Variants in PREP observed in about 807,000 individuals in gnomAD.
PREP encodes dJ355L5.1 (prolyl endopeptidase).
In PREP, 29 loss-of-function variants were observed where a neutral mutation model predicts 87.6. The observed-to-expected ratio is 0.33, with a 90% confidence interval of 0.25 to 0.45. The LOEUF is 0.45. Among genes scored for constraint, PREP ranks in the 20% least tolerant of loss-of-function variants. The pLI, the probability that PREP is intolerant of heterozygous loss-of-function variation, is 1.00. For synonymous variants in PREP, 337 were observed against 328.6 expected, an observed-to-expected ratio of 1.03 and a Z score of -0.28; for missense variants, 695 against 886.5, an observed-to-expected ratio of 0.78 and a Z score of 2.74.
At chr6:105,363,621 C>A (rs1772307973) in intron 6 of PREP, among the ~76,000 whole-genome samples, 1 of 152,146 alleles carries the variant, frequency 6.6e-6, no homozygotes, top group Admixed American at 6.5e-5. Flanking sequence ...TTCCCGAGGT[C>A]CCTGGCTGAA....
At chr6:105,307,670 T>G (rs1269810475) in intron 10 of PREP, among the ~76,000 whole-genome samples, 1 of 152,212 alleles carries the variant, frequency 6.6e-6, no homozygotes, top group African/African-American at 2.4e-5. Context: ...TGGGGTGCAG[T>G]GGTGAGAGCT....
At chr6:105,334,738 C>CAACAACAACAACAACAACAACAACA (rs752810216) in intron 7 of PREP, among the ~76,000 whole-genome samples, 1 of 151,956 alleles carries the variant, frequency 6.6e-6, no homozygotes, top group African/African-American at 2.4e-5. Flanking sequence ...ACAACAACAA[C>CAACAACAACAACAACAACAACAACA]AGAGATGCGG....
Position 105,374,034 on chromosome 6 carries a change from T to C in PREP, c.386-456A>G, listed in dbSNP as rs113393353. 8.0e-3 allele frequency among the ~76,000 whole-genome samples: 1,216 copies of C among 152,284 alleles called. 17 individuals are homozygous for C. The highest frequency in any genetic ancestry group is 0.027 in the African/African-American group (1,103 of 41,542). ...TGTAGTCATTAGGTAATTTGGGAGATTGATTCCAAATTATCTAAAATCCCT... is the reference window on the plus strand; with the variant it reads ...TGTAGTCATTAGGTAATTTGGGAGACTGATTCCAAATTATCTAAAATCCCT... On this transcript the variant is annotated intron_variant, in intron 4 of 14. Coordinates refer to ENST00000652536, the MANE Select transcript of PREP (RefSeq NM_002726.5).
Position 105,376,374 on chromosome 6 carries a change from C to T in PREP, c.255-119G>A. On this transcript the variant is annotated intron_variant, in intron 3 of 14. Transcript: ENST00000652536. ...AGACCTAAAAAGGTACCACTGTAATCTGGCCATCGCAGGGACGTGGGGACA... is the reference window on the plus strand; with the variant it reads ...AGACCTAAAAAGGTACCACTGTAATTTGGCCATCGCAGGGACGTGGGGACA... The T allele has an allele frequency of 5.0e-6, 6 of 1,207,366 alleles. No homozygotes were observed. The South Asian group carries it at 9.2e-5, about 18-fold the overall frequency. 74.8% of individuals were successfully genotyped at this position (1,207,366 alleles called of 1,614,324 possible). A position where few individuals can be genotyped will look rare whatever the true frequency, so the allele number is the denominator to read the frequency against.
chr6:105,322,486 T>C, intron 10 of PREP: 1 of 985,548 alleles, frequency 1.0e-6, no homozygotes, highest in South Asian at 4.7e-5. Flanking sequence ...CTTGACCCTG[T>C]ATGTCTTCTC....
At chr6:105,366,502 G>A (rs1460592635) in intron 6 of PREP, among the ~76,000 whole-genome samples, 1 of 152,156 alleles carries the variant, frequency 6.6e-6, no homozygotes, top group East Asian at 1.9e-4. Flanking sequence ...TACGCAGAGT[G>A]TACATCTATT....
intron 10 of PREP, among the ~76,000 whole-genome samples, chr6:105,300,623 TAA>T (rs138225078): frequency 2.0e-5 from 3 of 146,814 alleles, no homozygotes; most frequent in Non-Finnish European, 1.5e-5. Flanking sequence ...TGCTTTATGT[TAA>T]AAAAAAAAAA....
chr6:105,315,134 T>A (rs1425777720), intron 10 of PREP, among the ~76,000 whole-genome samples: 1 of 152,134 alleles, frequency 6.6e-6, no homozygotes, highest in African/African-American at 2.4e-5. Context: ...ACACGCAGAG[T>A]GAATTTAGCA....
intron 7 of PREP, among the ~76,000 whole-genome samples, chr6:105,344,790 G>C (rs1183562317): frequency 6.6e-6 from 1 of 152,118 alleles, no homozygotes; most frequent in Non-Finnish European, 1.5e-5. Flanking sequence ...TAACAAACCT[G>C]CACGTTGTGC....
At chr6:105,339,050 T>C (rs1771559016) in intron 7 of PREP, among the ~76,000 whole-genome samples, 1 of 152,234 alleles carries the variant, frequency 6.6e-6, no homozygotes, top group Non-Finnish European at 1.5e-5. Flanking sequence ...TCTGCCAGCA[T>C]GGAGTTTGAG....
chr6:105,327,737 T>C (rs566361243), intron 9 of PREP, among the ~76,000 whole-genome samples: 6 of 152,294 alleles, frequency 3.9e-5, no homozygotes, highest in African/African-American at 1.2e-4. Context: ...AAAAGCACTT[T>C]GGAGGAGTTC....
At chr6:105,385,683 G>A (rs1277113642) in intron 2 of PREP, among the ~76,000 whole-genome samples, 3 of 152,206 alleles carry the variant, frequency 2.0e-5, no homozygotes, top group African/African-American at 7.2e-5. Context: ...GCTCAATAAT[G>A]AGTGCAATGG....
intron 7 of PREP, among the ~76,000 whole-genome samples, chr6:105,345,456 T>C (rs571421094): frequency 1.3e-5 from 2 of 152,326 alleles, no homozygotes; most frequent in East Asian, 3.9e-4. Flanking sequence ...TCTTATGCTT[T>C]TCCTAGAGCA....
At chr6:105,393,688 C>T (rs1773219317) in intron 2 of PREP, among the ~76,000 whole-genome samples, 1 of 152,060 alleles carries the variant, frequency 6.6e-6, no homozygotes, top group South Asian at 2.1e-4. Context: ...TTTATTTAAT[C>T]CACTACACAC....
chr6:105,316,066 A>G (rs967556549), intron 10 of PREP, among the ~76,000 whole-genome samples: 1 of 152,120 alleles, frequency 6.6e-6, no homozygotes, highest in African/African-American at 2.4e-5. Context: ...ATTTCTTTCA[A>G]GAACTTTTCC....
At chr6:105,349,912 A>AAAAAAAAAAAAAAAAAAAAAAC (rs1771902397) in intron 7 of PREP, among the ~76,000 whole-genome samples, 1 of 150,506 alleles carries the variant, frequency 6.6e-6, no homozygotes, top group African/African-American at 2.4e-5. Context: ...AAAAAAAAAA[A>AAAAAAAAAAAAAAAAAAAAAAC]AAAAAAAAAA....
intron 10 of PREP, among the ~76,000 whole-genome samples, chr6:105,311,599 C>G (rs59632718): frequency 0.039 from 5,970 of 152,330 alleles, 288 homozygotes; most frequent in African/African-American, 0.11. Context: ...ACTTGCAATG[C>G]TGACATTTAT....
chr6:105,370,999 C>T (rs944085871), intron 5 of PREP, among the ~76,000 whole-genome samples: 6 of 152,116 alleles, frequency 3.9e-5, no homozygotes, highest in Non-Finnish European at 7.4e-5. Context: ...CAAAATCAAA[C>T]CCTAAAGTAA....
At chr6:105,402,439 C>T (rs922391578) in intron 1 of PREP, among the ~76,000 whole-genome samples, 1 of 151,090 alleles carries the variant, frequency 6.6e-6, no homozygotes, top group Non-Finnish European at 1.5e-5. Context: ...CACACACACA[C>T]ACACACACAA....
Sources: gnomAD v4.1 joint callset for allele counts (sites outside exome capture counted in the v4.1 genomes callset) on GRCh38, gnomAD v4.1.1 for gene constraint, MANE v1.5 for transcripts, NCBI Gene and HGNC (gene_info 2026-07-23, HGNC 2026-07-21) for gene names.